STX8: variants seen among roughly 807,000 people sequenced by gnomAD.
STX8 encodes syntaxin-8.
Under a neutral mutation model 37.5 loss-of-function variants are expected in STX8, and 23 were observed. The observed-to-expected ratio is 0.61, with a 90% CI of 0.44 to 0.87. STX8 has a LOEUF of 0.87. Ranked by LOEUF, STX8 falls within the 40% of genes least tolerant of loss-of-function variation. The pLI, the probability that STX8 is intolerant of heterozygous loss-of-function variation, is 0.00. For synonymous variants in STX8, 115 were observed against 99.1 expected, an observed-to-expected ratio of 1.16 and a Z score of -0.95; for missense variants, 313 against 284.7, an observed-to-expected ratio of 1.10 and a Z score of -0.71.
At position 9,338,974 on chromosome 17, in the gene STX8, G is replaced by C. The variant is rs140330956; in HGVS notation, c.643+39578C>G. Among the ~76,000 whole-genome samples the C allele has an allele frequency of 7.8e-3, 1,186 of 151,732 alleles. 16 individuals carry two copies. Among genetic ancestry groups the C allele is most frequent in the African/African-American group, 0.027 (1,108 of 41,258 alleles). Reference sequence around the variant, plus strand: ...TAATCCCAGCTACTCCAGAGGCTGAGGCAGGAGAATGGCGTGAACCCGGGA... The same window carrying C: ...TAATCCCAGCTACTCCAGAGGCTGACGCAGGAGAATGGCGTGAACCCGGGA... On this transcript the variant is annotated intron_variant, in intron 7 of 7. Coordinates refer to ENST00000306357, the MANE Select transcript of STX8 (RefSeq NM_004853.3).
At chr17:9,280,112 T>C (rs1907829758) in intron 7 of STX8, among the ~76,000 whole-genome samples, 1 of 152,080 alleles carries the variant, frequency 6.6e-6, no homozygotes, top group Non-Finnish European at 1.5e-5. Flanking sequence ...TCCCAGCTAC[T>C]GCGAGGCAGG....
chr17:9,286,339 C>A (rs1337460731), intron 7 of STX8, among the ~76,000 whole-genome samples: 1 of 152,210 alleles, frequency 6.6e-6, no homozygotes. Flanking sequence ...CAGGGCACAA[C>A]ACACACAATT....
chr17:9,345,306 C>T (rs1266008016), intron 7 of STX8, among the ~76,000 whole-genome samples: 2 of 152,236 alleles, frequency 1.3e-5, no homozygotes, highest in East Asian at 3.9e-4. Flanking sequence ...TGCGCCACCA[C>T]ACCCGGCTAA....
intron 6 of STX8, among the ~76,000 whole-genome samples, chr17:9,486,448 C>G (rs1906601098): frequency 6.6e-6 from 1 of 152,176 alleles, no homozygotes; most frequent in Non-Finnish European, 1.5e-5. Context: ...CAAATCGTGC[C>G]TCTATGATTC....
chr17:9,573,080 A>ACCC (rs71135994), intron 1 of STX8, among the ~76,000 whole-genome samples: 94 of 101,632 alleles, frequency 9.2e-4, no homozygotes, highest in South Asian at 1.5e-3. Context: ...CACCCCCAAC[A>ACCC]CCCCCCCCCA....
At chr17:9,511,346 C>T (rs961288194) in intron 4 of STX8, among the ~76,000 whole-genome samples, 1 of 151,980 alleles carries the variant, frequency 6.6e-6, no homozygotes, top group Non-Finnish European at 1.5e-5. Context: ...TAAATATACA[C>T]ACAAAAATCC....
At chr17:9,475,798 C>T (rs1906076975) in intron 6 of STX8, among the ~76,000 whole-genome samples, 1 of 152,126 alleles carries the variant, frequency 6.6e-6, no homozygotes, top group Non-Finnish European at 1.5e-5. Flanking sequence ...TAGAAAGAAA[C>T]CTGCCGACTG....
intron 4 of STX8, among the ~76,000 whole-genome samples, chr17:9,530,711 T>C (rs570233097): frequency 4.6e-5 from 7 of 152,368 alleles, no homozygotes; most frequent in African/African-American, 1.4e-4. Context: ...CCAAGATACA[T>C]TTCCTATGTC....
At chr17:9,394,507 G>A (rs1280349707) in intron 6 of STX8, among the ~76,000 whole-genome samples, 1 of 151,398 alleles carries the variant, frequency 6.6e-6, no homozygotes, top group African/African-American at 2.4e-5. Flanking sequence ...TGGGATTACA[G>A]GCGCCCGCCA....
At chr17:9,486,325 T>C (rs1431885574) in intron 6 of STX8, among the ~76,000 whole-genome samples, 1 of 152,104 alleles carries the variant, frequency 6.6e-6, no homozygotes, top group Non-Finnish European at 1.5e-5. Flanking sequence ...TGCTCATAGA[T>C]TGTCAGGGAA....
chr17:9,382,707 A>G (rs1911865422), intron 6 of STX8, among the ~76,000 whole-genome samples: 1 of 152,250 alleles, frequency 6.6e-6, no homozygotes, highest in African/African-American at 2.4e-5. Flanking sequence ...CTTCTTGAAA[A>G]GGAGTATTAT....
At chr17:9,406,446 G>A (rs77512455) in intron 6 of STX8, among the ~76,000 whole-genome samples, 4 of 152,152 alleles carry the variant, frequency 2.6e-5, no homozygotes, top group African/African-American at 9.7e-5. Context: ...ATCTGAGCTT[G>A]CCTCAATAGC....
At chr17:9,405,910 T>C (rs1912785055) in intron 6 of STX8, among the ~76,000 whole-genome samples, 5 of 152,216 alleles carry the variant, frequency 3.3e-5, no homozygotes, top group Admixed American at 3.3e-4. Context: ...CACTTTCCTT[T>C]TGCTTTAAGT....
chr17:9,448,190 G>A (rs985363853), intron 6 of STX8, among the ~76,000 whole-genome samples: 4 of 111,452 alleles, frequency 3.6e-5, no homozygotes, highest in Non-Finnish European at 5.8e-5. Flanking sequence ...AAAAAAAAAA[G>A]TTTGATCCTC....
At chr17:9,435,148 T>A (rs1904385382) in intron 6 of STX8, among the ~76,000 whole-genome samples, 1 of 152,106 alleles carries the variant, frequency 6.6e-6, no homozygotes, top group Admixed American at 6.6e-5. Context: ...GTGACACTAA[T>A]AACCAAGATA....
At chr17:9,388,401 A>G (rs1912090262) in intron 6 of STX8, among the ~76,000 whole-genome samples, 1 of 152,038 alleles carries the variant, frequency 6.6e-6, no homozygotes, top group African/African-American at 2.4e-5. Flanking sequence ...AGTTATAAAA[A>G]TTATTCAATA....
intron 4 of STX8, among the ~76,000 whole-genome samples, chr17:9,525,805 C>T (rs1333298848): frequency 2.0e-5 from 3 of 152,312 alleles, no homozygotes; most frequent in South Asian, 2.1e-4. Context: ...TCTGCTAAGA[C>T]GGTGAGTGCT....
At chr17:9,533,329 A>G (rs1905893974) in intron 4 of STX8, among the ~76,000 whole-genome samples, 1 of 152,132 alleles carries the variant, frequency 6.6e-6, no homozygotes, top group African/African-American at 2.4e-5. Context: ...TGAGCTGGGC[A>G]GGGTGATATG....
chr17:9,367,383 C>T (rs1437459246), intron 7 of STX8, among the ~76,000 whole-genome samples: 2 of 152,042 alleles, frequency 1.3e-5, no homozygotes, highest in South Asian at 2.1e-4. Context: ...ATCCAGATCA[C>T]AACCTTCTTG....
Sources: gnomAD v4.1 joint callset for allele counts (sites outside exome capture counted in the v4.1 genomes callset) on GRCh38, gnomAD v4.1.1 for gene constraint, MANE v1.5 for transcripts, NCBI Gene and HGNC (gene_info 2026-07-23, HGNC 2026-07-21) for gene names.